The following SLC2A14 variants were observed in gnomAD, a reference collection of about 807,000 sequenced individuals.
SLC2A14 encodes solute carrier family 2, facilitated glucose transporter member 14.
A neutral mutation model predicts 43.0 loss-of-function variants in SLC2A14; 13 were observed. The observed-to-expected ratio is 0.30, with a 90% CI of 0.20 to 0.48. The LOEUF is 0.48. SLC2A14 is among the 20% of genes least tolerant of loss of function. SLC2A14 has a pLI of 0.99. For missense variants in SLC2A14, 428 were observed against 620.4 expected (o/e 0.69, Z 3.29); for synonymous variants, 190 against 233.8 (o/e 0.81, Z 1.71).
chr12:7,827,023 CCTTT>C (rs1864521136), intron 7 of SLC2A14, among the ~76,000 whole-genome samples: 1 of 127,628 alleles, frequency 7.8e-6, no homozygotes, highest in East Asian at 2.7e-4. Context: ...CTCTTTCTCT[CCTTT>C]CTCTCTCTTT....
chr12:7,827,807 G>A, intron 6 of SLC2A14, 125 bp from the exon 7 acceptor site: 1 of 1,505,432 alleles, frequency 6.6e-7, no homozygotes, highest in East Asian at 2.3e-5. Flanking sequence ...TCCTGAACCT[G>A]CCCTCTCACC....
At chr12:7,835,282 G>A (rs901037118) in intron 2 of SLC2A14, among the ~76,000 whole-genome samples, 1 of 152,154 alleles carries the variant, frequency 6.6e-6, no homozygotes, top group African/African-American at 2.4e-5. Flanking sequence ...AGCTACTCAG[G>A]AGACTGAGAC....
chr12:7,888,386 G>A (rs1334038485), intron 1 of SLC2A14, among the ~76,000 whole-genome samples: 1 of 152,106 alleles, frequency 6.6e-6, no homozygotes, highest in Non-Finnish European at 1.5e-5. Context: ...TTGTTCATGT[G>A]CTGATCAAAA....
At chr12:7,879,320 C>G (rs144033162) in intron 1 of SLC2A14, among the ~76,000 whole-genome samples, 10 of 7,458 alleles carry the variant, frequency 1.3e-3, no homozygotes, top group East Asian at 4.1e-3. Flanking sequence ...CAAAAAAAAA[C>G]AAACAACAAC....
In SLC2A14 at chr12:7,813,114, G is replaced by A. The variant is rs768911947; in HGVS notation, c.*1202C>T. On this transcript the variant is annotated 3_prime_UTR_variant, in exon 11 of 11. Transcript: ENST00000431042. ...ACACACTTTAGATAATAATCGCTCAGAAAAAAATCCTCTCCCAGAGCTGAG... is the reference window on the plus strand; with the variant it reads ...ACACACTTTAGATAATAATCGCTCAAAAAAAAATCCTCTCCCAGAGCTGAG... 1 of 151,302 alleles carries A rather than the reference G, an allele frequency of 6.6e-6. No individual in the cohort carries two copies. The highest frequency in any genetic ancestry group is 1.5e-5 in the Non-Finnish European group (1 of 67,836). The allele number at this position is 151,302 out of a possible 1,614,324, so 9.4% of individuals were successfully genotyped here.
rs1028889578 is a variant in SLC2A14, at chr12:7,886,147, A to G, written c.132+4849T>C. On this transcript the variant is annotated intron_variant, in intron 1 of 9. Transcript: ENST00000539924. ...TACAGGCATGTACCACCACGCCCGG[A>G]CAGCTTTTTTTTTTTTTTTTTTTTT... is the stretch of plus-strand genomic sequence containing the variant. Among the ~76,000 whole-genome samples the G allele has an allele frequency of 9.0e-5, 8 of 89,098 alleles. 1 individual carries two copies. The highest frequency in any genetic ancestry group is 2.5e-4 in the African/African-American group (7 of 28,050). 58.5% of individuals were successfully genotyped at this position (89,098 alleles called of 152,430 possible).
intron 1 of SLC2A14, among the ~76,000 whole-genome samples, chr12:7,883,319 G>C (rs1428968776): frequency 6.9e-6 from 1 of 144,030 alleles, no homozygotes; most frequent in Admixed American, 7.0e-5. Context: ...CCAGGGTGGA[G>C]TGCAGGGGCG....
intron 9 of SLC2A14, 55 bp from the exon 10 acceptor site, chr12:7,818,089 C>A: frequency 6.5e-7 from 1 of 1,543,192 alleles, no homozygotes; most frequent in Admixed American, 2.0e-5. Flanking sequence ...AACCCAGGAT[C>A]TAGGTTCCCA....
intron 2 of SLC2A14, among the ~76,000 whole-genome samples, chr12:7,868,396 T>G (rs1282082802): frequency 3.3e-5 from 5 of 152,200 alleles, no homozygotes; most frequent in African/African-American, 1.2e-4. Context: ...CTTTATTGGA[T>G]ATTAGCTTTC....
At chr12:7,847,692 C>T (rs1231894582) in intron 2 of SLC2A14, among the ~76,000 whole-genome samples, 1 of 152,186 alleles carries the variant, frequency 6.6e-6, no homozygotes, top group Non-Finnish European at 1.5e-5. Flanking sequence ...CTAGCTCTCT[C>T]TTTTCCTTCC....
At chr12:7,872,159 C>CA (rs1353509632) in intron 1 of SLC2A14, 1 of 152,326 alleles carries the variant, frequency 6.6e-6, no homozygotes, top group Non-Finnish European at 1.5e-5. Flanking sequence ...AGACATAAAT[C>CA]ACTGAATGAA....
intron 2 of SLC2A14, among the ~76,000 whole-genome samples, chr12:7,861,092 T>A (rs1944528777): frequency 6.6e-6 from 1 of 152,036 alleles, no homozygotes; most frequent in South Asian, 2.1e-4. Flanking sequence ...TCGCCCGGCA[T>A]CAACTGTTTT....
intron 2 of SLC2A14, among the ~76,000 whole-genome samples, chr12:7,869,141 T>C (rs1945092286): frequency 7.2e-6 from 1 of 139,840 alleles, no homozygotes; most frequent in Non-Finnish European, 1.6e-5. Flanking sequence ...TGAAACTCCA[T>C]CTCAAAAAAA....
chr12:7,825,002 A>AT (rs1378182912), intron 7 of SLC2A14, among the ~76,000 whole-genome samples: 1 of 151,762 alleles, frequency 6.6e-6, no homozygotes, highest in African/African-American at 2.4e-5. Flanking sequence ...GCCCAGATTT[A>AT]TTTTTTTACA....
chr12:7,815,366 A>AGAGTG (rs775399744), intron 10 of SLC2A14, among the ~76,000 whole-genome samples: 1 of 152,068 alleles, frequency 6.6e-6, no homozygotes, highest in South Asian at 2.1e-4. Context: ...CAGTGAGCCG[A>AGAGTG]GAGTGAGCCA....
intron 2 of SLC2A14, among the ~76,000 whole-genome samples, chr12:7,864,757 C>T (rs1944816573): frequency 1.3e-5 from 2 of 152,146 alleles, no homozygotes; most frequent in African/African-American, 4.8e-5. Flanking sequence ...GTGACTGAGC[C>T]GCTATGGCCC....
rs775863495 is a variant in SLC2A14 at position 7,890,861 on chromosome 12, G to A, written c.132+135C>T. 34 of 949,654 alleles carry A rather than the reference G, an allele frequency of 3.6e-5. 1 individual carries two copies. The South Asian group carries it at 6.5e-4, about 18-fold the overall frequency. 58.8% of individuals were successfully genotyped at this position (949,654 alleles called of 1,614,324 possible). A position where few individuals can be genotyped will look rare whatever the true frequency, so the allele number is the denominator to read the frequency against. ...GCAAGCTCAGCCTCGGTGAGTCTTG[G>A]TGGCCTTGACAGCCCCCACTTAACA... is the stretch of plus-strand genomic sequence containing the variant. On this transcript the variant is annotated intron_variant, in intron 1 of 9. Transcript: ENST00000539924.
intron 10 of SLC2A14, among the ~76,000 whole-genome samples, chr12:7,816,897 G>T (rs1420681168): frequency 6.6e-6 from 1 of 151,738 alleles, no homozygotes; most frequent in African/African-American, 2.4e-5. Flanking sequence ...TAGCAGAGAT[G>T]GTGTTTCACC....
At chr12:7,826,863 T>TTTTC (rs1864432187) in intron 7 of SLC2A14, among the ~76,000 whole-genome samples, 1 of 24,862 alleles carries the variant, frequency 4.0e-5, no homozygotes, top group South Asian at 1.0e-3. Context: ...CCTTTCTTTT[T>TTTTC]TCTTTCTTTC....
Sources: allele counts gnomAD v4.1 joint callset (sites outside exome capture counted in the v4.1 genomes callset), GRCh38; gene constraint gnomAD v4.1.1; transcripts MANE v1.5; gene names NCBI Gene and HGNC (gene_info 2026-07-23, HGNC 2026-07-21).